Variants in ADGRE2 observed in about 807,000 individuals in gnomAD.
The protein encoded by ADGRE2 is CD97 antigen.
A neutral mutation model predicts 100.8 loss-of-function variants in ADGRE2; 83 were observed. The observed-to-expected ratio is 0.82, with a 90% CI of 0.69 to 0.99. The LOEUF (loss-of-function observed/expected upper bound fraction) is 0.99, where lower values mean the gene tolerates loss of function less well. ADGRE2 is among the 50% of genes least tolerant of loss of function. ADGRE2 has a pLI of 0.00. For synonymous variants in ADGRE2, 355 were observed against 413.0 expected (o/e 0.86, Z 1.70); for missense variants, 814 against 1,035.7 (o/e 0.79, Z 2.94).
chr19:14,775,953 C>T (rs2044421697), intron 2 of ADGRE2, among the ~76,000 whole-genome samples: 1 of 151,970 alleles, frequency 6.6e-6, no homozygotes, highest in African/African-American at 2.4e-5. Context: ...TGCACACACA[C>T]CACAACCGCC....
intron 20 of ADGRE2, among the ~76,000 whole-genome samples, chr19:14,740,634 A>AG (rs1263201885): frequency 2.6e-5 from 4 of 151,856 alleles, no homozygotes; most frequent in Non-Finnish European, 5.9e-5. Context: ...AAAAAAAAAA[A>AG]AAAGAAAAAT....
chr19:14,777,792 G>A (rs186947580), intron 1 of ADGRE2, among the ~76,000 whole-genome samples: 106 of 152,138 alleles, frequency 7.0e-4, no homozygotes, highest in Middle Eastern at 3.4e-3. Flanking sequence ...ATGGTTTTCA[G>A]CTTCATCTGT....
At position 14,776,976 on chromosome 19, in the gene ADGRE2, G is replaced by GCACACACACACACACACA. The variant is rs58154734; in HGVS notation, c.-171-67_-171-50dup. The GCACACACACACACACACA allele has an allele frequency of 6.9e-4, 705 of 1,026,110 alleles. 7 individuals are homozygous for GCACACACACACACACACA. Among genetic ancestry groups the GCACACACACACACACACA allele is most frequent in the African/African-American group, 3.7e-3 (204 of 54,996 alleles). 63.6% of individuals were successfully genotyped at this position (1,026,110 alleles called of 1,614,324 possible). ...ATAAAAACACAGAACCAGGGGCGCTGCACACACACACACACACACACACAC... is the reference window on the plus strand; with the variant it reads ...ATAAAAACACAGAACCAGGGGCGCTGCACACACACACACACACACACACACACACACACACACACACAC... On this transcript the variant is annotated intron_variant, in intron 1 of 20. Coordinates refer to ENST00000315576, the MANE Select transcript of ADGRE2 (RefSeq NM_013447.4).
Position 14,752,389 on chromosome 19 carries a change from C to A in ADGRE2, c.1728G>T (p.Ser576=). ...GGAGGTGGGCCAGGAAGAGGCAGAG[C>A]GAGAGCTGCAGATGCAGTGAGGTGC... The part of the protein sequence containing the change: ...NTSTSLHLQL[S]LCLFLAHLLF... Residue 576 remains serine (S), a synonymous_variant, in exon 15 of 21, where the codon TCG becomes TCT. Transcript: ENST00000315576. 1 of 1,614,078 alleles carries A rather than the reference C, an allele frequency of 6.2e-7. No homozygotes were observed. Among genetic ancestry groups the A allele is most frequent in the Non-Finnish European group, 8.5e-7 (1 of 1,180,016 alleles).
In ADGRE2 at chr19:14,743,702, C is replaced by A. The variant is rs373190699; in HGVS notation, c.2266G>T (p.Ala756Ser). The A allele has an allele frequency of 4.3e-5, 70 of 1,614,044 alleles. No individual in the cohort carries two copies. Among genetic ancestry groups the A allele is most frequent in the Non-Finnish European group, 5.4e-5 (64 of 1,180,026 alleles). ...CLGILQVGPA[A>S]RVMAYLFTII... ...GTGAAGAGGTAGGCCATGACCCGGG[C>A]AGCCGGACCCACCTGCAAGATGCCC... The change falls in exon 19 of 21, where the codon GCC (alanine) becomes TCC (serine). Residue 756 changes from alanine (A) to serine (S), a missense_variant. Ala to Ser is a moderately conservative substitution (Grantham distance 99, BLOSUM62 1). Around this residue, in one of 5 missense-constraint regions of ADGRE2, gnomAD observed 569 missense variants for 692.7 expected, o/e 0.82. Coordinates refer to ENST00000315576, the MANE Select transcript of ADGRE2 (RefSeq NM_013447.4).
At chr19:14,747,783 C>A (rs2043136627) in intron 16 of ADGRE2, among the ~76,000 whole-genome samples, 1 of 152,146 alleles carries the variant, frequency 6.6e-6, no homozygotes, top group Admixed American at 6.6e-5. Flanking sequence ...CCACTGCACT[C>A]CAGCCTGGGT....
intron 5 of ADGRE2, among the ~76,000 whole-genome samples, chr19:14,769,733 C>G (rs376134565): frequency 6.6e-6 from 1 of 152,152 alleles, no homozygotes; most frequent in African/African-American, 2.4e-5. Context: ...GAGTCTCGCT[C>G]TGTCGTCCAG....
At chr19:14,751,160 T>C (rs1347063140) in intron 16 of ADGRE2, among the ~76,000 whole-genome samples, 1 of 152,192 alleles carries the variant, frequency 6.6e-6, no homozygotes, top group Non-Finnish European at 1.5e-5. Flanking sequence ...CTAGGGATTA[T>C]GACATAGTGT....
chr19:14,777,111 T>G, intron 1 of ADGRE2, 184 bp from the exon 2 acceptor site: 1 of 985,332 alleles, frequency 1.0e-6, no homozygotes, highest in Non-Finnish European at 1.2e-6. Flanking sequence ...CTGGCCTCTG[T>G]GTGTTCCAGG....
Position 14,765,379 on chromosome 19 carries a change from C to A in ADGRE2, c.847G>T (p.Asp283Tyr), listed in dbSNP as rs139418141. Residue 283 changes from aspartate (D) to tyrosine (Y), a missense_variant, in exon 10 of 21, where the codon GAC (aspartate) becomes TAC (tyrosine). Asp to Tyr is a radical substitution (Grantham distance 160). Coordinates refer to ENST00000315576, the MANE Select transcript of ADGRE2 (RefSeq NM_013447.4). ...VHSQTLSRFF[D>Y]KVQDLGRDYK... ...TCTCTGCCCAGGTCCTGGACTTTGT[C>A]GAAGAATCGGGAAAGCGTCTGCAGA... 1 of 1,614,148 alleles carries A rather than the reference C, an allele frequency of 6.2e-7. No individual in the cohort carries two copies. Among genetic ancestry groups the A allele is most frequent in the Admixed American group, 1.7e-5 (1 of 60,014 alleles).
downstream of ADGRE2, chr19:14,731,066 G>C: frequency 2.2e-6 from 2 of 890,374 alleles, no homozygotes; most frequent in Non-Finnish European, 3.6e-6. Context: ...ATGCTGCCCT[G>C]GTCTCAAGCA....
chr19:14,772,423 A>T lies in ADGRE2; in HGVS notation c.274T>A (p.Tyr92Asn), dbSNP rs1486426692. 3 of 1,614,024 alleles carry T rather than the reference A, an allele frequency of 1.9e-6. No individual in the cohort carries two copies. The highest frequency in any genetic ancestry group is 3.3e-5 in the Admixed American group (2 of 59,992). The change falls in exon 5 of 21, where the codon TAC (tyrosine) becomes AAC (asparagine). Residue 92 changes from tyrosine (Y) to asparagine (N), a missense_variant. Tyr to Asn is a moderately radical substitution (Grantham distance 143, BLOSUM62 -2). Coordinates refer to ENST00000315576, the MANE Select transcript of ADGRE2 (RefSeq NM_013447.4). ...TATCCTGGGCTGCACACGCAGTCGT[A>T]GCTCCCCTCTGTGTTCCAGCAGTCC... ...FSDCWNTEGS[Y>N]DCVCSPGYEP...
intron 20 of ADGRE2, among the ~76,000 whole-genome samples, chr19:14,739,623 C>T (rs2042865705): frequency 6.6e-6 from 1 of 150,646 alleles, no homozygotes; most frequent in African/African-American, 2.4e-5. Flanking sequence ...AGAATAATGA[C>T]CCCCCAAAGA....
intron 11 of ADGRE2, among the ~76,000 whole-genome samples, chr19:14,759,581 C>T (rs1360554268): frequency 6.7e-6 from 1 of 148,698 alleles, no homozygotes; most frequent in African/African-American, 2.5e-5. Context: ...ACTGCAGCCT[C>T]TGCCTCCTGG....
intron 11 of ADGRE2, among the ~76,000 whole-genome samples, chr19:14,759,981 G>T (rs1373803506): frequency 6.6e-6 from 1 of 151,936 alleles, no homozygotes; most frequent in African/African-American, 2.4e-5. Flanking sequence ...ACCACGCCTG[G>T]CTAATTTTTT....
chr19:14,736,809 G>GATATGTAATATCTAT (rs2042762577), intron 20 of ADGRE2, among the ~76,000 whole-genome samples: 4 of 75,226 alleles, frequency 5.3e-5, no homozygotes, highest in Non-Finnish European at 7.4e-5. Flanking sequence ...GAAATATATA[G>GATATGTAATATCTAT]ATATTTAGAA....
At chr19:14,754,481 A>ATCTATCTATCTGTCTG (rs2043419446) in intron 14 of ADGRE2, among the ~76,000 whole-genome samples, 1 of 150,714 alleles carries the variant, frequency 6.6e-6, no homozygotes, top group Non-Finnish European at 1.5e-5. Context: ...CTATCTATCT[A>ATCTATCTATCTGTCTG]TCTATCTATT....
At chr19:14,772,828 C>A (rs2044259602) in intron 4 of ADGRE2, among the ~76,000 whole-genome samples, 1 of 151,442 alleles carries the variant, frequency 6.6e-6, no homozygotes, top group Non-Finnish European at 1.5e-5. Context: ...ACCTGTAATC[C>A]CAGCACTTTG....
chr19:14,752,782 A>AT (rs5827257), intron 14 of ADGRE2, among the ~76,000 whole-genome samples: 56,222 of 149,896 alleles, frequency 0.38, 11,004 homozygotes, highest in Middle Eastern at 0.45. Context: ...TGCCCTGCTA[A>AT]TTTTTTTTTT....
Sources: gnomAD v4.1 joint callset for allele counts (sites outside exome capture counted in the v4.1 genomes callset) on GRCh38, gnomAD v4.1.1 for gene constraint, gnomAD v4.1.1 regional missense constraint, MANE v1.5 for transcripts, NCBI Gene and HGNC (gene_info 2026-07-23, HGNC 2026-07-21) for gene names.